DPYD: variants seen among roughly 807,000 people sequenced by gnomAD.
DPYD encodes dihydropyrimidine dehydrogenase, also known as dihydropyrimidine dehydrogenase [NADP(+)].
A neutral mutation model predicts 116.2 loss-of-function variants in DPYD; 109 were observed. That is an observed-to-expected ratio of 0.94 (90% CI 0.80 to 1.10). The LOEUF (loss-of-function observed/expected upper bound fraction) is 1.10, where lower values mean the gene tolerates loss of function less well. Among genes scored for constraint, DPYD ranks in the 50% least tolerant of loss-of-function variants. The pLI is 0.00. For synonymous variants in DPYD, 440 were observed against 432.0 expected (o/e 1.02, Z -0.23); for missense variants, 1,302 against 1,254.5 (o/e 1.04, Z -0.57).
At chr1:97,098,138 T>G (rs534923719) in intron 21 of DPYD, among the ~76,000 whole-genome samples, 1 of 152,134 alleles carries the variant, frequency 6.6e-6, no homozygotes, top group Admixed American at 6.6e-5. Flanking sequence ...TGAGTTGTAC[T>G]ACATGACTAA....
intron 9 of DPYD, among the ~76,000 whole-genome samples, chr1:97,594,460 A>G (rs1341134869): frequency 1.3e-5 from 2 of 152,172 alleles, no homozygotes; most frequent in African/African-American, 4.8e-5. Context: ...ACATGTAATT[A>G]ATGTAGGAAT....
At chr1:97,283,522 A>G (rs1411927979) in intron 18 of DPYD, among the ~76,000 whole-genome samples, 2 of 152,094 alleles carry the variant, frequency 1.3e-5, no homozygotes, top group Non-Finnish European at 2.9e-5. Flanking sequence ...AGCTCATTTC[A>G]ATTTTGTAAT....
chr1:97,886,240 C>T (rs1672479423), intron 1 of DPYD, among the ~76,000 whole-genome samples: 1 of 152,042 alleles, frequency 6.6e-6, no homozygotes, highest in African/African-American at 2.4e-5. Flanking sequence ...TCGCTCTACC[C>T]CAGCCACCAG....
chr1:97,799,499 T>C (rs1667747269), intron 3 of DPYD, among the ~76,000 whole-genome samples: 1 of 151,984 alleles, frequency 6.6e-6, no homozygotes. Context: ...ATGCTAGTTA[T>C]CTGAAATAAT....
At chr1:97,132,018 C>T (rs769881057) in intron 20 of DPYD, among the ~76,000 whole-genome samples, 1 of 151,970 alleles carries the variant, frequency 6.6e-6, no homozygotes, top group East Asian at 1.9e-4. Context: ...AATTACTGAG[C>T]TATTAAAAGT....
chr1:97,246,732 T>C (rs564993636), intron 18 of DPYD, among the ~76,000 whole-genome samples: 2 of 152,240 alleles, frequency 1.3e-5, no homozygotes, highest in South Asian at 2.1e-4. Context: ...AATTTCTATA[T>C]GGCATTTTAC....
chr1:97,638,014 G>A (rs930703393), intron 8 of DPYD, among the ~76,000 whole-genome samples: 5 of 152,086 alleles, frequency 3.3e-5, no homozygotes, highest in Non-Finnish European at 5.9e-5. Flanking sequence ...CTAAGCACAT[G>A]TACTGTATCT....
chr1:97,080,508 T>G (rs1387763199), intron 22 of DPYD, among the ~76,000 whole-genome samples: 1 of 152,160 alleles, frequency 6.6e-6, no homozygotes, highest in Non-Finnish European at 1.5e-5. Context: ...TTAAAAAGTC[T>G]GATCTGTAAG....
chr1:97,332,199 T>C (rs995617607), intron 16 of DPYD, among the ~76,000 whole-genome samples: 1 of 152,192 alleles, frequency 6.6e-6, no homozygotes, highest in Non-Finnish European at 1.5e-5. Flanking sequence ...TTCTCTACAA[T>C]GAGGCACACA....
intron 4 of DPYD, among the ~76,000 whole-genome samples, chr1:97,735,666 C>T (rs886678710): frequency 3.4e-5 from 5 of 147,052 alleles, no homozygotes; most frequent in Non-Finnish European, 5.9e-5. Flanking sequence ...TCAGCCTGGG[C>T]GACAGAGCAA....
intron 14 of DPYD, among the ~76,000 whole-genome samples, chr1:97,399,676 T>C (rs1400195939): frequency 6.6e-6 from 1 of 152,092 alleles, no homozygotes. Flanking sequence ...CCCTTGTAAG[T>C]TGGATTCCTA....
At chr1:97,209,044 T>C (rs1460077537) in intron 19 of DPYD, among the ~76,000 whole-genome samples, 1 of 152,110 alleles carries the variant, frequency 6.6e-6, no homozygotes, top group Non-Finnish European at 1.5e-5. Flanking sequence ...CATATCTTTG[T>C]TGTAAACAAT....
At chr1:97,845,083 T>C (rs916515037) in intron 2 of DPYD, among the ~76,000 whole-genome samples, 8 of 152,114 alleles carry the variant, frequency 5.3e-5, no homozygotes, top group Non-Finnish European at 1.0e-4. Context: ...TTGGCACAAA[T>C]AGCCTGGGCA....
At chr1:97,592,504 T>A (rs974375361) in intron 10 of DPYD, among the ~76,000 whole-genome samples, 1 of 152,040 alleles carries the variant, frequency 6.6e-6, no homozygotes, top group Non-Finnish European at 1.5e-5. Context: ...GTAGCTGGGA[T>A]TACAGGCGCC....
In DPYD at chr1:97,338,934, TA is replaced by T. The variant is rs1412940554; in HGVS notation, c.2059-32638del. On this transcript the variant is annotated intron_variant, in intron 16 of 22. Transcript: ENST00000370192. ...CAGGTAGCTACTATTAAGGAAGAGCTAATGAATGAGACAGAGGAGAATGTTA... is the reference window on the plus strand; with the variant it reads ...CAGGTAGCTACTATTAAGGAAGAGCTATGAATGAGACAGAGGAGAATGTTA... Among the ~76,000 whole-genome samples, 70 of 152,248 alleles carry T rather than the reference TA, an allele frequency of 4.6e-4. 1 individual carries two copies. The highest frequency in any genetic ancestry group is 1.5e-3 in the African/African-American group (64 of 41,554).
At chr1:97,792,157 A>G (rs1667350819) in intron 3 of DPYD, among the ~76,000 whole-genome samples, 1 of 152,202 alleles carries the variant, frequency 6.6e-6, no homozygotes, top group Non-Finnish European at 1.5e-5. Flanking sequence ...ATTAGACACA[A>G]GGAAGGACAG....
At chr1:97,085,785 C>G (rs535900545) in intron 21 of DPYD, among the ~76,000 whole-genome samples, 2 of 152,286 alleles carry the variant, frequency 1.3e-5, no homozygotes, top group Admixed American at 6.5e-5. Flanking sequence ...TCAGGGAACC[C>G]ATATTCATTA....
intron 6 of DPYD, among the ~76,000 whole-genome samples, chr1:97,692,327 T>C (rs1260778127): frequency 6.6e-6 from 1 of 152,068 alleles, no homozygotes; most frequent in Non-Finnish European, 1.5e-5. Flanking sequence ...CCATGTGATC[T>C]ATAGAACATT....
intron 13 of DPYD, among the ~76,000 whole-genome samples, chr1:97,487,358 C>A (rs1242264500): frequency 3.3e-5 from 5 of 152,004 alleles, no homozygotes; most frequent in Non-Finnish European, 7.4e-5. Context: ...AATGTCATTG[C>A]ACATTAGAGA....
Sources: allele counts gnomAD v4.1 joint callset (sites outside exome capture counted in the v4.1 genomes callset), GRCh38; gene constraint gnomAD v4.1.1; transcripts MANE v1.5; gene names NCBI Gene and HGNC (gene_info 2026-07-23, HGNC 2026-07-21).